Variants in C9orf43 observed in about 807,000 individuals in gnomAD.
C9orf43 encodes the protein chromosome 9 open reading frame 43.
In C9orf43, 45 loss-of-function variants were observed where a neutral mutation model predicts 59.1. The observed-to-expected ratio is 0.76, with a 90% CI of 0.60 to 0.98. The LOEUF (loss-of-function observed/expected upper bound fraction) is 0.98. Ranked by LOEUF, C9orf43 falls within the 50% of genes least tolerant of loss-of-function variation. C9orf43 has a pLI of 0.00. For synonymous variants in C9orf43, 203 were observed against 196.8 expected (o/e 1.03, Z -0.26); for missense variants, 533 against 554.9 (o/e 0.96, Z 0.40).
At chr9:113,422,835 G>A (rs1828635268) in intron 6 of C9orf43, among the ~76,000 whole-genome samples, 1 of 152,096 alleles carries the variant, frequency 6.6e-6, no homozygotes, top group Non-Finnish European at 1.5e-5. Flanking sequence ...TGTTCAGGGG[G>A]GGAGTTTTTG....
At chr9:113,420,099 A>T (rs951947154) in intron 4 of C9orf43, among the ~76,000 whole-genome samples, 1 of 151,976 alleles carries the variant, frequency 6.6e-6, no homozygotes, top group Non-Finnish European at 1.5e-5. Flanking sequence ...AACAATAATA[A>T]TTATTATTTT....
intron 3 of C9orf43, among the ~76,000 whole-genome samples, chr9:113,418,774 A>C (rs1828466751): frequency 6.6e-6 from 1 of 152,182 alleles, no homozygotes; most frequent in Admixed American, 6.5e-5. Context: ...CATTTTATTT[A>C]TGTAACGTAT....
intron 5 of C9orf43, 151 bp from the exon 6 acceptor site, chr9:113,422,398 G>A (rs953155218): frequency 5.0e-5 from 56 of 1,120,312 alleles, no homozygotes; most frequent in Non-Finnish European, 6.8e-5. Flanking sequence ...CTATCTTTGA[G>A]TACTGATCAA....
chr9:113,429,268 C>T lies in C9orf43; in HGVS notation c.1268C>T (p.Ser423Phe). The T allele has an allele frequency of 6.2e-7, 1 of 1,614,210 alleles. No individual in the cohort carries two copies. The highest frequency in any genetic ancestry group is 8.5e-7 in the Non-Finnish European group (1 of 1,180,038). ...CAGGCTGCCAGGCAAAAGAAGATCT[C>T]CTTTAACTTTTCAGAAATTATGGCT... ...EAQAARQKKISFNFSEIMAST... is the reference protein window; with the variant it reads ...EAQAARQKKIFFNFSEIMAST... Residue 423 changes from serine (S) to phenylalanine (F), a missense_variant, in exon 14 of 14, where the codon TCC becomes TTC. Coordinates refer to ENST00000374165, the MANE Select transcript of C9orf43 (RefSeq NM_001278629.2).
Position 113,428,190 on chromosome 9 carries a change from G to A in C9orf43, c.1074G>A (p.Gln358=), listed in dbSNP as rs1435342544. ...GTCAGAACAGTGACATGAAGCAGCA[G>A]CAGCAGATGGAAAAAGGAACCACTT... ...LPGQNSDMKQ[Q]QQMEKGTTSK... Residue 358 remains glutamine, a synonymous_variant, in exon 12 of 14, where the codon CAG becomes CAA. Transcript: ENST00000374165. 5 of 1,614,098 alleles carry A rather than the reference G, an allele frequency of 3.1e-6. No homozygotes were observed. The Admixed American group carries it at 8.3e-5, about 27-fold the overall frequency.
intron 4 of C9orf43, among the ~76,000 whole-genome samples, chr9:113,419,839 G>T (rs1040130603): frequency 6.6e-6 from 1 of 152,164 alleles, no homozygotes; most frequent in African/African-American, 2.4e-5. Flanking sequence ...CTAGTTAGGG[G>T]TAGAGCTAAA....
Position 113,429,246 on chromosome 9 carries a change from G to A in C9orf43, c.1246G>A (p.Ala416Thr). ...APVDAVPEAQ[A>T]ARQKKISFNF... ...AGTGGACGCTGTGCCAGAAGCCCAGGCTGCCAGGCAAAAGAAGATCTCCTT... is the reference window on the plus strand; with the variant it reads ...AGTGGACGCTGTGCCAGAAGCCCAGACTGCCAGGCAAAAGAAGATCTCCTT... Residue 416 changes from alanine (A) to threonine (T), a missense_variant, in exon 14 of 14, where the codon GCT becomes ACT. By Grantham distance (58) the Ala-to-Thr change is moderately conservative. Coordinates refer to ENST00000374165, the MANE Select transcript of C9orf43 (RefSeq NM_001278629.2). The A allele has an allele frequency of 1.2e-6, 2 of 1,614,220 alleles. No individual in the cohort carries two copies. The highest frequency in any genetic ancestry group is 1.7e-6 in the Non-Finnish European group (2 of 1,180,042).
At chr9:113,415,174 T>C (rs1198490896) in intron 3 of C9orf43, among the ~76,000 whole-genome samples, 1 of 151,540 alleles carries the variant, frequency 6.6e-6, no homozygotes, top group African/African-American at 2.4e-5. Context: ...GATAGGGTCT[T>C]ACTTTGTTGC....
intron 11 of C9orf43, among the ~76,000 whole-genome samples, chr9:113,427,141 CTGTACACTAAGACCAAT>C (rs1828821432): frequency 1.3e-5 from 2 of 152,126 alleles, no homozygotes; most frequent in Non-Finnish European, 2.9e-5. Context: ...TCCGCCTTGA[CTGTACACTAAGACCAAT>C]TGTGAAGCTT....
intron 1 of C9orf43, among the ~76,000 whole-genome samples, chr9:113,413,194 T>A (rs1221371972): frequency 6.6e-6 from 1 of 152,240 alleles, no homozygotes; most frequent in Middle Eastern, 3.2e-3. Context: ...CTCAGACTGG[T>A]TAAGTCCCAG....
At chr9:113,412,273 A>T (rs975314410) in intron 1 of C9orf43, among the ~76,000 whole-genome samples, 2 of 152,244 alleles carry the variant, frequency 1.3e-5, no homozygotes, top group Admixed American at 6.5e-5. Flanking sequence ...CCCTAAAAGG[A>T]CATTGTGGGC....
At chr9:113,418,411 A>G (rs1181246186) in intron 3 of C9orf43, among the ~76,000 whole-genome samples, 1 of 152,208 alleles carries the variant, frequency 6.6e-6, no homozygotes, top group Non-Finnish European at 1.5e-5. Context: ...TTCAGGAAAT[A>G]TATTCTCAGA....
intron 6 of C9orf43, among the ~76,000 whole-genome samples, 185 bp from the exon 7 acceptor site, chr9:113,423,141 A>G (rs118062195): frequency 0.013 from 1,956 of 152,320 alleles, 16 homozygotes; most frequent in Admixed American, 0.022. Context: ...GAATCCCTGT[A>G]TGATCTGAAT....
chr9:113,413,655 C>G lies in C9orf43; in HGVS notation c.151+11C>G, dbSNP rs200426143. ...CCCTGGATGCTGAAGGTGAATTAGC[C>G]AGCTTCTGTCCTCTCCCTCACGAGG... On this transcript the variant is annotated intron_variant, in intron 2 of 13. Transcript: ENST00000374165. The G allele has an allele frequency of 3.5e-4, 571 of 1,613,876 alleles. 1 individual carries two copies. Among genetic ancestry groups the G allele is most frequent in the Non-Finnish European group, 4.7e-4 (553 of 1,179,766 alleles).
chr9:113,425,038 C>A lies in C9orf43; in HGVS notation c.827C>A (p.Pro276His). 6.2e-7 allele frequency: 1 copy of A among 1,612,624 alleles called. No homozygotes were observed. Among genetic ancestry groups the A allele is most frequent in the Non-Finnish European group, 8.5e-7 (1 of 1,179,940 alleles). Residue 276 changes from proline to histidine, a missense_variant, in exon 9 of 14, where the codon CCT becomes CAT. Physicochemically the swap from Pro to His is moderately conservative, Grantham distance 77 (BLOSUM62 -2). Coordinates refer to ENST00000374165, the MANE Select transcript of C9orf43 (RefSeq NM_001278629.2). ...CTCCAGAGACCAGCACTGCGATATC[C>A]TGAACGTTTGAAGAAATTACATAAC... ...LTLERPALRY[P>H]ERLKKLHNLK...
chr9:113,414,432 G>A (rs112946364), intron 3 of C9orf43, among the ~76,000 whole-genome samples: 6,066 of 151,590 alleles, frequency 0.04, 161 homozygotes, highest in South Asian at 0.1. Context: ...GCACCACCAC[G>A]CCTGGTTAAT....
intron 1 of C9orf43, among the ~76,000 whole-genome samples, chr9:113,413,239 T>C (rs1054098443): frequency 6.6e-6 from 1 of 152,258 alleles, no homozygotes; most frequent in Non-Finnish European, 1.5e-5. Flanking sequence ...TTAGGAGACC[T>C]GAAGTCCTGC....
chr9:113,425,432 G>A lies in C9orf43; in HGVS notation c.942+12G>A, dbSNP rs751047088. ...CTATTAAGAAACAGGTAGAGTGGCA[G>A]TGAGGGGCTTGCTGGGACTGGGAGA... On this transcript the variant is annotated intron_variant, in intron 10 of 13. Transcript: ENST00000374165. 15 of 1,610,870 alleles carry A rather than the reference G, an allele frequency of 9.3e-6. No individual in the cohort carries two copies. In the Admixed American group the frequency reaches 2.4e-4, roughly 25 times the overall value.
chr9:113,429,209 C>T lies in C9orf43; in HGVS notation c.1209C>T (p.Asp403=). Residue 403 remains aspartate, a synonymous_variant, in exon 14 of 14, where the codon GAC becomes GAT. Coordinates refer to ENST00000374165, the MANE Select transcript of C9orf43 (RefSeq NM_001278629.2). ...ELYETEPTNK[D]ISAPVDAVPE... is the part of the protein sequence containing the mutation. ...ATGAAACAGAACCCACTAACAAGGA[C>T]ATTAGTGCTCCAGTGGACGCTGTGC... 1 of 1,614,164 alleles carries T rather than the reference C, an allele frequency of 6.2e-7. No homozygotes were observed. The highest frequency in any genetic ancestry group is 1.6e-4 in the Middle Eastern group (1 of 6,062).
Sources: gnomAD v4.1 joint callset for allele counts (sites outside exome capture counted in the v4.1 genomes callset) on GRCh38, gnomAD v4.1.1 for gene constraint, MANE v1.5 for transcripts, NCBI Gene and HGNC (gene_info 2026-07-23, HGNC 2026-07-21) for gene names.